Variants in KREMEN1 observed in about 807,000 individuals in gnomAD.
KREMEN1 encodes kringle containing transmembrane protein 1.
In KREMEN1, 30 loss-of-function variants were observed where a neutral mutation model predicts 46.5. The observed-to-expected ratio is 0.65, with a 90% CI of 0.48 to 0.88. KREMEN1 has a LOEUF of 0.88. KREMEN1 is among the 40% of genes least tolerant of loss of function. The probability of loss-of-function intolerance (pLI) is 0.00; values close to 1 mark genes in which losing one functional copy is unlikely to be tolerated. For missense variants in KREMEN1, 533 were observed against 596.9 expected (o/e 0.89, Z 1.11); for synonymous variants, 214 against 230.6 (o/e 0.93, Z 0.65).
chr22:29,115,695 G>A (rs377759671), intron 3 of KREMEN1, among the ~76,000 whole-genome samples: 25 of 152,188 alleles, frequency 1.6e-4, no homozygotes, highest in African/African-American at 5.8e-4. Flanking sequence ...TACACAGCAG[G>A]GACACATAAC....
chr22:29,082,550 A>C (rs188736594), intron 1 of KREMEN1, among the ~76,000 whole-genome samples: 11 of 152,344 alleles, frequency 7.2e-5, no homozygotes, highest in Admixed American at 1.3e-4. Context: ...ATGTATCTGT[A>C]ATGGAGCTTT....
chr22:29,156,707 G>A (rs558672647), intron 9 of KREMEN1, among the ~76,000 whole-genome samples: 353 of 152,340 alleles, frequency 2.3e-3, no homozygotes, highest in African/African-American at 7.9e-3. Context: ...CAAACCACTC[G>A]GGGGAGCCCC....
intron 5 of KREMEN1, 114 bp downstream of exon 5, chr22:29,125,530 A>G (rs1165464552): frequency 9.1e-7 from 1 of 1,102,856 alleles, no homozygotes; most frequent in Non-Finnish European, 1.3e-6. Flanking sequence ...TTGGCAATAG[A>G]CAATACTTGT....
At chr22:29,094,828 G>A (rs1456995256) in intron 2 of KREMEN1, among the ~76,000 whole-genome samples, 1 of 152,046 alleles carries the variant, frequency 6.6e-6, no homozygotes, top group African/African-American at 2.4e-5. Context: ...TTTCAACCGT[G>A]TTAGCCAGGA....
At chr22:29,114,552 G>T (rs1469531230) in intron 3 of KREMEN1, among the ~76,000 whole-genome samples, 1 of 151,432 alleles carries the variant, frequency 6.6e-6, no homozygotes, top group Non-Finnish European at 1.5e-5. Context: ...GCCATGTGCG[G>T]ACACAGCAAG....
chr22:29,115,147 T>C (rs1425028939), intron 3 of KREMEN1, among the ~76,000 whole-genome samples: 1 of 152,156 alleles, frequency 6.6e-6, no homozygotes, highest in African/African-American at 2.4e-5. Flanking sequence ...CTGGATGGGA[T>C]TGGAGATTAT....
At chr22:29,091,269 G>A (rs1014375032) in intron 1 of KREMEN1, among the ~76,000 whole-genome samples, 6 of 152,000 alleles carry the variant, frequency 3.9e-5, no homozygotes, top group Non-Finnish European at 8.8e-5. Context: ...CACTGTGCCC[G>A]GCCATGGATT....
rs1371462236 is a variant in KREMEN1 at position 29,143,299 on chromosome 22, A to G, written c.*1187A>G. The G allele has an allele frequency of 1.0e-6, 1 of 985,486 alleles. No individual in the cohort carries two copies. Among genetic ancestry groups the G allele is most frequent in the Non-Finnish European group, 1.2e-6 (1 of 829,958 alleles). The allele number at this position is 985,486 out of a possible 1,614,324, so 61.0% of individuals were successfully genotyped here. A position where few individuals can be genotyped will look rare whatever the true frequency, so the allele number is the denominator to read the frequency against. ...GCAGCTCATGGTCCTATGGAACCTGAGCCAGGCCTCAGTCTCTCCATGATT... is the reference window on the plus strand; with the variant it reads ...GCAGCTCATGGTCCTATGGAACCTGGGCCAGGCCTCAGTCTCTCCATGATT... On this transcript the variant is annotated 3_prime_UTR_variant, in exon 9 of 9. Coordinates refer to ENST00000400335, the MANE Select transcript of KREMEN1 (RefSeq NM_001039570.3).
Position 29,144,099 on chromosome 22 carries a change from G to A in KREMEN1, c.*1987G>A, listed in dbSNP as rs543656323. 31 of 985,404 alleles carry A rather than the reference G, an allele frequency of 3.1e-5. No individual in the cohort carries two copies. Among genetic ancestry groups the A allele is most frequent in the Admixed American group, 1.2e-4 (2 of 16,274 alleles). 61.0% of individuals were successfully genotyped at this position (985,404 alleles called of 1,614,324 possible). A position where few individuals can be genotyped will look rare whatever the true frequency, so the allele number is the denominator to read the frequency against. On this transcript the variant is annotated 3_prime_UTR_variant, in exon 9 of 9. Coordinates refer to ENST00000400335, the MANE Select transcript of KREMEN1 (RefSeq NM_001039570.3). Reference sequence around the variant, plus strand: ...CTCTGCTGGCCAGGCCTAGGCCCTCGTCAGAGCGTGCCTCTCCACAAGGCA... The same window carrying A: ...CTCTGCTGGCCAGGCCTAGGCCCTCATCAGAGCGTGCCTCTCCACAAGGCA...
At chr22:29,160,670 C>A (rs999211505) in intron 9 of KREMEN1, among the ~76,000 whole-genome samples, 1 of 151,836 alleles carries the variant, frequency 6.6e-6, no homozygotes, top group Non-Finnish European at 1.5e-5. Flanking sequence ...CAAAAAAATT[C>A]TTTGAAAGAA....
At chr22:29,114,951 A>G (rs561465057) in intron 3 of KREMEN1, among the ~76,000 whole-genome samples, 4 of 152,346 alleles carry the variant, frequency 2.6e-5, no homozygotes, top group Non-Finnish European at 4.4e-5. Flanking sequence ...GGAAAACTCA[A>G]TTATCTAGAA....
At chr22:29,157,641 A>G (rs1351964484) in intron 9 of KREMEN1, among the ~76,000 whole-genome samples, 1 of 152,154 alleles carries the variant, frequency 6.6e-6, no homozygotes, top group African/African-American at 2.4e-5. Flanking sequence ...TCCAGCCCCC[A>G]CCATGACTTT....
At chr22:29,123,648 T>G (rs2038393749) in intron 4 of KREMEN1, among the ~76,000 whole-genome samples, 1 of 152,106 alleles carries the variant, frequency 6.6e-6, no homozygotes, top group Admixed American at 6.5e-5. Context: ...AAAAATTAGC[T>G]GGGCGTGGTA....
chr22:29,139,774 G>A (rs574912909), intron 7 of KREMEN1, among the ~76,000 whole-genome samples: 1 of 152,330 alleles, frequency 6.6e-6, no homozygotes, highest in African/African-American at 2.4e-5. Context: ...CCTCAGTGGT[G>A]ACCTAGCCTG....
In KREMEN1 at chr22:29,162,157, T is replaced by G. The variant is rs552153020; in HGVS notation, c.1417-4887T>G. ...ATTAATTCACTATGATCAAGTAGGT[T>G]TCATTCCTGTGATGCAAGATTGGTT... On this transcript the variant is annotated intron_variant, in intron 9 of 9. Coordinates refer to the KREMEN1 transcript ENST00000327813. 7.2e-5 allele frequency among the ~76,000 whole-genome samples: 11 copies of G among 152,080 alleles called. No homozygotes were observed. In the East Asian group the frequency reaches 7.7e-4, roughly 11 times the overall value.
Position 29,110,500 on chromosome 22 carries a change from A to G in KREMEN1, c.353-10857A>G, listed in dbSNP as rs574598113. Among the ~76,000 whole-genome samples, 8 of 152,304 alleles carry G rather than the reference A, an allele frequency of 5.3e-5. No individual in the cohort carries two copies. The South Asian group carries it at 1.7e-3, about 32-fold the overall frequency. On this transcript the variant is annotated intron_variant, in intron 3 of 8. Transcript: ENST00000400335. ...TCTTTATCACATTAACTCACCAGAA[A>G]CTAAGTTTCAGAGAAGGAACTCCCA...
chr22:29,075,321 C>T (rs2037549381), intron 1 of KREMEN1, among the ~76,000 whole-genome samples: 1 of 152,198 alleles, frequency 6.6e-6, no homozygotes, highest in Non-Finnish European at 1.5e-5. Context: ...GGCAGAGCAG[C>T]AGCTCTGATT....
chr22:29,167,402 C>G, exon 10 of KREMEN1: 1 of 396,118 alleles, frequency 2.5e-6, no homozygotes, highest in South Asian at 2.9e-5. Flanking sequence ...CTCCGCACAG[C>G]CGGTCAGAAC....
chr22:29,141,644 T>G (rs1362642153), intron 8 of KREMEN1, among the ~76,000 whole-genome samples: 1 of 152,206 alleles, frequency 6.6e-6, no homozygotes, highest in African/African-American at 2.4e-5. Context: ...TTATTTAAAA[T>G]AAAAGAATTT....
Sources: allele counts gnomAD v4.1 joint callset (sites outside exome capture counted in the v4.1 genomes callset), GRCh38; gene constraint gnomAD v4.1.1; transcripts MANE v1.5; gene names NCBI Gene and HGNC (gene_info 2026-07-23, HGNC 2026-07-21).